RAP2A: variants seen among roughly 807,000 people sequenced by gnomAD.
RAP2A encodes RAP2A, member of RAS oncogene family.
In RAP2A, 5 loss-of-function variants were observed where a neutral mutation model predicts 15.1. The ratio of observed to expected loss-of-function variants is 0.33; its 90% CI spans 0.17 to 0.70. The LOEUF is 0.70. Ranked by LOEUF, RAP2A falls within the 30% of genes least tolerant of loss-of-function variation. The pLI, the probability that RAP2A is intolerant of heterozygous loss-of-function variation, is 0.68. For missense variants in RAP2A, 111 were observed against 240.3 expected, an observed-to-expected ratio of 0.46 and a Z score of 3.56; for synonymous variants, 110 against 99.7, an observed-to-expected ratio of 1.10 and a Z score of -0.62.
intron 1 of RAP2A, among the ~76,000 whole-genome samples, chr13:97,462,073 T>TA (rs1434513001): frequency 6.8e-6 from 1 of 146,474 alleles, no homozygotes; most frequent in Non-Finnish European, 1.5e-5. Flanking sequence ...TATTTATATA[T>TA]TATATATATT....
chr13:97,449,792 C>T (rs147143243), intron 1 of RAP2A, among the ~76,000 whole-genome samples: 129 of 152,020 alleles, frequency 8.5e-4, no homozygotes, highest in African/African-American at 2.6e-3. Context: ...TAATAGGCAT[C>T]GCCAATAAAT....
intron 1 of RAP2A, among the ~76,000 whole-genome samples, chr13:97,461,824 G>A (rs945380576): frequency 4.6e-5 from 7 of 151,482 alleles, no homozygotes; most frequent in Admixed American, 2.0e-4. Flanking sequence ...TTAGTCGGGC[G>A]TGGTGGTGGG....
Position 97,467,770 on chromosome 13 carries a change from C to A in RAP2A, c.*3328C>A, listed in dbSNP as rs951527359. 2.6e-5 allele frequency: 4 copies of A among 152,100 alleles called. No individual in the cohort carries two copies. Among genetic ancestry groups the A allele is most frequent in the Non-Finnish European group, 5.9e-5 (4 of 67,952 alleles). 9.4% of individuals were successfully genotyped at this position (152,100 alleles called of 1,614,324 possible). ...CAGTGGGTTTTGGAAACAGACTTAT[C>A]ATTATTGATTTGAGGTTTCCCAGAG... On this transcript the variant is annotated 3_prime_UTR_variant, in exon 2 of 2. Transcript: ENST00000245304.
Position 97,467,709 on chromosome 13 carries a change from T to A in RAP2A, c.*3267T>A, listed in dbSNP as rs1398184900. The A allele has an allele frequency of 6.6e-6, 1 of 152,298 alleles. No homozygotes were observed. The highest frequency in any genetic ancestry group is 6.6e-5 in the Admixed American group (1 of 15,246). 9.4% of individuals were successfully genotyped at this position (152,298 alleles called of 1,614,324 possible). A position where few individuals can be genotyped will look rare whatever the true frequency, so the allele number is the denominator to read the frequency against. ...TTTTTATTTAACATGTCATTGTTCA[T>A]CTATTAAATCTTGATCAGGGTTTCA... On this transcript the variant is annotated 3_prime_UTR_variant, in exon 2 of 2. Transcript: ENST00000245304.
chr13:97,459,209 A>G (rs929387548), intron 1 of RAP2A, among the ~76,000 whole-genome samples: 8 of 152,124 alleles, frequency 5.3e-5, no homozygotes, highest in Admixed American at 1.3e-4. Flanking sequence ...ACATACATTG[A>G]ACAGTTTGAG....
rs189094666 is a variant in RAP2A at position 97,450,478 on chromosome 13, T to C, written c.315-13727T>C. Among the ~76,000 whole-genome samples, 4 of 152,306 alleles carry C rather than the reference T, an allele frequency of 2.6e-5. No individual in the cohort carries two copies. The East Asian group carries it at 7.7e-4, about 29-fold the overall frequency. Reference sequence around the variant, plus strand: ...ATGAAAGCTGTGTGTTCTCCATATATGTGCCCGAGCTTCAGTTTTCCTTAC... The same window carrying C: ...ATGAAAGCTGTGTGTTCTCCATATACGTGCCCGAGCTTCAGTTTTCCTTAC... On this transcript the variant is annotated intron_variant, in intron 1 of 1. Transcript: ENST00000245304.
intron 1 of RAP2A, among the ~76,000 whole-genome samples, chr13:97,452,119 A>C (rs545953495): frequency 1.3e-5 from 2 of 151,352 alleles, no homozygotes; most frequent in African/African-American, 4.9e-5. Context: ...GAGTGAGCAT[A>C]AATTCTTAAT....
chr13:97,449,583 A>G (rs997872242), intron 1 of RAP2A, among the ~76,000 whole-genome samples: 2 of 152,150 alleles, frequency 1.3e-5, no homozygotes, highest in African/African-American at 2.4e-5. Flanking sequence ...TCTTAAAACT[A>G]TCTTTCTGAC....
Position 97,453,676 on chromosome 13 carries a change from A to T in RAP2A, c.315-10529A>T, listed in dbSNP as rs2066711563. 1.3e-5 allele frequency among the ~76,000 whole-genome samples: 2 copies of T among 151,198 alleles called. 1 individual carries two copies. Among genetic ancestry groups the T allele is most frequent in the South Asian group, 4.2e-4 (2 of 4,746 alleles). On this transcript the variant is annotated intron_variant, in intron 1 of 1. Transcript: ENST00000245304. ...GATTTTTACCTGTAAACATTTGTGTACAGGTTTTTATGTGATCATAAGTCT... is the reference window on the plus strand; with the variant it reads ...GATTTTTACCTGTAAACATTTGTGTTCAGGTTTTTATGTGATCATAAGTCT...
chr13:97,467,313 T>G lies in RAP2A; in HGVS notation c.*2871T>G, dbSNP rs747321618. ...CTGATCAAAAGTATTACATAAAATATTTTCTTAAACTATTGAAAGGTGCTT... is the reference window on the plus strand; with the variant it reads ...CTGATCAAAAGTATTACATAAAATAGTTTCTTAAACTATTGAAAGGTGCTT... On this transcript the variant is annotated 3_prime_UTR_variant, in exon 2 of 2. Transcript: ENST00000245304. The G allele has an allele frequency of 6.6e-6, 1 of 152,634 alleles. No homozygotes were observed. Among genetic ancestry groups the G allele is most frequent in the Non-Finnish European group, 1.5e-5 (1 of 68,038 alleles). The allele number at this position is 152,634 out of a possible 1,614,324, so 9.5% of individuals were successfully genotyped here.
chr13:97,434,536 G>A lies in RAP2A; in HGVS notation c.66G>A (p.Gln22=), dbSNP rs1156621542. Residue 22 remains glutamine, a synonymous_variant, in exon 1 of 2, where the codon CAG becomes CAA. Transcript: ENST00000245304. ...GGVGKSALTV[Q]FVTGTFIEKY... ...TAGGCAAATCCGCCCTGACCGTGCAGTTCGTGACCGGCACCTTCATCGAGA... is the reference window on the plus strand; with the variant it reads ...TAGGCAAATCCGCCCTGACCGTGCAATTCGTGACCGGCACCTTCATCGAGA... 6.2e-7 allele frequency: 1 copy of A among 1,613,926 alleles called. No individual in the cohort carries two copies. Among genetic ancestry groups the A allele is most frequent in the African/African-American group, 1.3e-5 (1 of 74,924 alleles).
rs72637628 is a variant in RAP2A at position 97,452,650 on chromosome 13, G to A, written c.315-11555G>A. On this transcript the variant is annotated intron_variant, in intron 1 of 1. Transcript: ENST00000245304. The stretch of plus-strand genomic sequence containing the variant: ...AAGAATCAGTCACACACACACACAC[G>A]CACACACACACACACACACAACCAA... Among the ~76,000 whole-genome samples, 56 of 148,150 alleles carry A rather than the reference G, an allele frequency of 3.8e-4. 1 individual carries two copies. Among genetic ancestry groups the A allele is most frequent in the Non-Finnish European group, 5.1e-4 (34 of 66,736 alleles).
At chr13:97,438,731 A>C (rs961788929) in intron 1 of RAP2A, among the ~76,000 whole-genome samples, 9 of 152,174 alleles carry the variant, frequency 5.9e-5, no homozygotes, top group Non-Finnish European at 1.0e-4. Flanking sequence ...TTTTCTTTGA[A>C]GCACTCATCC....
intron 1 of RAP2A, among the ~76,000 whole-genome samples, chr13:97,440,238 T>G (rs1423208640): frequency 1.3e-5 from 2 of 151,508 alleles, no homozygotes; most frequent in South Asian, 4.2e-4. Context: ...GTGGGTCACT[T>G]TTTTTTTGTT....
At chr13:97,436,782 A>AT (rs2066636038) in intron 1 of RAP2A, among the ~76,000 whole-genome samples, 1 of 152,228 alleles carries the variant, frequency 6.6e-6, no homozygotes, top group Non-Finnish European at 1.5e-5. Context: ...TTCTTGATAT[A>AT]AAAAGATCAT....
At chr13:97,438,199 C>T (rs1430887821) in intron 1 of RAP2A, among the ~76,000 whole-genome samples, 1 of 152,122 alleles carries the variant, frequency 6.6e-6, no homozygotes, top group African/African-American at 2.4e-5. Context: ...CAGCCATGGT[C>T]CTGACATGAA....
At chr13:97,459,639 G>A (rs866938609) in intron 1 of RAP2A, among the ~76,000 whole-genome samples, 2 of 152,172 alleles carry the variant, frequency 1.3e-5, no homozygotes, top group South Asian at 4.1e-4. Context: ...GAACCTGCAC[G>A]GTAGGGAGCA....
intron 1 of RAP2A, among the ~76,000 whole-genome samples, chr13:97,445,981 C>T (rs2066677752): frequency 6.6e-6 from 1 of 152,184 alleles, no homozygotes; most frequent in Non-Finnish European, 1.5e-5. Context: ...TATTTTATTG[C>T]TTGCATCAGC....
Position 97,434,462 on chromosome 13 carries a change from G to T in RAP2A, c.-9G>T. On this transcript the variant is annotated 5_prime_UTR_variant, in exon 1 of 2. Coordinates refer to ENST00000245304, the MANE Select transcript of RAP2A (RefSeq NM_021033.7). ...GGGCGGCGGCGGCGGCGGCGGCCGC[G>T]GAGGGACGATGCGCGAGTACAAAGT... 1.3e-6 allele frequency: 2 copies of T among 1,584,186 alleles called. No homozygotes were observed. Among genetic ancestry groups the T allele is most frequent in the Non-Finnish European group, 1.7e-6 (2 of 1,163,360 alleles).
Sources: gnomAD v4.1 joint callset for allele counts (sites outside exome capture counted in the v4.1 genomes callset) on GRCh38, gnomAD v4.1.1 for gene constraint, MANE v1.5 for transcripts, NCBI Gene and HGNC (gene_info 2026-07-23, HGNC 2026-07-21) for gene names.